NCOA1: variants seen among roughly 807,000 people sequenced by gnomAD.
NCOA1 encodes nuclear receptor coactivator 1.
A neutral mutation model predicts 150.9 loss-of-function variants in NCOA1; 35 were observed. That is an observed-to-expected ratio of 0.23 (90% CI 0.18 to 0.31). NCOA1 has a LOEUF of 0.31. Among genes scored for constraint, NCOA1 ranks in the 10% least tolerant of loss-of-function variants. The pLI, the probability that NCOA1 is intolerant of heterozygous loss-of-function variation, is 1.00. For missense variants in NCOA1, 1,491 were observed against 1,749.3 expected (o/e 0.85, Z 2.63); for synonymous variants, 590 against 630.0 (o/e 0.94, Z 0.95).
intron 3 of NCOA1, among the ~76,000 whole-genome samples, chr2:24,586,526 G>A (rs952547502): frequency 2.6e-5 from 4 of 152,110 alleles, no homozygotes; most frequent in African/African-American, 9.7e-5. Context: ...AGCTGGGACC[G>A]CAGGTGCACA....
intron 3 of NCOA1, among the ~76,000 whole-genome samples, chr2:24,613,429 A>G (rs1174812717): frequency 6.6e-6 from 1 of 152,186 alleles, no homozygotes; most frequent in East Asian, 1.9e-4. Context: ...GGCCACCTAC[A>G]GTCCCCTGAT....
rs1572650552 is a variant in NCOA1, at chr2:24,728,988, AGCACACGC to A, written c.2887-508_2887-501del. 2.0e-5 allele frequency among the ~76,000 whole-genome samples: 3 copies of A among 152,210 alleles called. No individual in the cohort carries two copies. In the East Asian group the frequency reaches 5.8e-4, roughly 29 times the overall value. The stretch of plus-strand genomic sequence containing the variant: ...CTGCATACAAACACACACACACACA[AGCACACGC>A]GCACGCGCGCAATTAGGTCACAATT... On this transcript the variant is annotated intron_variant, in intron 16 of 22. Coordinates refer to ENST00000348332, the MANE Select transcript of NCOA1 (RefSeq NM_003743.5).
intron 3 of NCOA1, among the ~76,000 whole-genome samples, chr2:24,614,707 T>G (rs1457003669): frequency 6.6e-6 from 1 of 152,168 alleles, no homozygotes; most frequent in Admixed American, 6.5e-5. Flanking sequence ...GTGGGTATGT[T>G]TAAAAGCCTC....
chr2:24,708,490 T>A (rs1224669597), intron 13 of NCOA1, among the ~76,000 whole-genome samples: 1 of 152,182 alleles, frequency 6.6e-6, no homozygotes, highest in Admixed American at 6.5e-5. Context: ...TAAGTTGTTA[T>A]GGATTAGAAA....
chr2:24,691,659 A>G lies in NCOA1; in HGVS notation c.711A>G (p.Glu237=). The change falls in exon 9 of 23, where the codon GAA becomes GAG. Residue 237 remains glutamate (E), a splice_region_variant and synonymous_variant. Transcript: ENST00000348332. ...CAAAATCAATTCAAGAGGATGGAGA[A>G]GGTAAAGCCAAACGGTCTTTTTAAA... ...SQPKSIQEDG[E]DFQSCLICIA... 1.2e-6 allele frequency: 2 copies of G among 1,612,498 alleles called. No individual in the cohort carries two copies. The highest frequency in any genetic ancestry group is 1.7e-6 in the Non-Finnish European group (2 of 1,179,012).
intron 3 of NCOA1, among the ~76,000 whole-genome samples, chr2:24,619,599 T>C (rs1381331428): frequency 1.3e-5 from 2 of 152,162 alleles, no homozygotes; most frequent in Non-Finnish European, 2.9e-5. Context: ...AGTTAACCAA[T>C]AAACTGACTG....
At chr2:24,764,812 T>C (rs545774490) in intron 22 of NCOA1, among the ~76,000 whole-genome samples, 102 of 152,272 alleles carry the variant, frequency 6.7e-4, no homozygotes, top group African/African-American at 2.4e-3. Context: ...AAGGAAGATA[T>C]ATTGGCCAGT....
intron 1 of NCOA1, among the ~76,000 whole-genome samples, chr2:24,504,152 T>C (rs979611646): frequency 6.6e-6 from 1 of 152,242 alleles, no homozygotes; most frequent in Non-Finnish European, 1.5e-5. Flanking sequence ...ATAAGTTTGT[T>C]ACCGATGATA....
intron 14 of NCOA1, among the ~76,000 whole-genome samples, chr2:24,725,064 A>G (rs1322463959): frequency 6.6e-6 from 1 of 152,154 alleles, no homozygotes; most frequent in East Asian, 1.9e-4. Context: ...GTTATACTAA[A>G]TATTGAATAT....
intron 1 of NCOA1, among the ~76,000 whole-genome samples, chr2:24,552,752 T>G (rs1249699913): frequency 1.3e-5 from 2 of 152,186 alleles, no homozygotes; most frequent in African/African-American, 2.4e-5. Context: ...GCTACTATTT[T>G]GTGAACTTAT....
chr2:24,737,996 C>G (rs1405201480), intron 17 of NCOA1, among the ~76,000 whole-genome samples: 2 of 152,102 alleles, frequency 1.3e-5, no homozygotes. Flanking sequence ...ACTTTTAAAA[C>G]TATAAAGTTG....
intron 1 of NCOA1, among the ~76,000 whole-genome samples, chr2:24,518,396 G>A (rs1053344632): frequency 2.0e-5 from 3 of 152,012 alleles, no homozygotes; most frequent in South Asian, 2.1e-4. Context: ...ACTTAATGAC[G>A]AAAGACTAAA....
chr2:24,504,951 AC>A (rs1443705387), intron 1 of NCOA1, among the ~76,000 whole-genome samples: 1 of 151,784 alleles, frequency 6.6e-6, no homozygotes, highest in Admixed American at 6.6e-5. Flanking sequence ...ATTAATTAAA[AC>A]CTGTTTTCTC....
At chr2:24,703,244 T>C in intron 11 of NCOA1, among the ~76,000 whole-genome samples, 1 of 152,202 alleles carries the variant, frequency 6.6e-6, no homozygotes, top group Non-Finnish European at 1.5e-5. Context: ...ACTCCTAGGC[T>C]GTTACTCTTT....
In NCOA1 at chr2:24,706,663, A is replaced by G; in HGVS notation, c.1193A>G (p.His398Arg). ...PSVNPSISPA[H>R]GVARSSTLPP... ...GTCAATCCTAGTATCTCTCCAGCTC[A>G]TGGTGTGGCTCGTTCATCCACATTG... Residue 398 changes from histidine to arginine, a missense_variant, in exon 13 of 23, where the codon CAT becomes CGT. This residue lies in a region of NCOA1 where 703 missense variants were observed against 717.7 expected (regional missense o/e 0.98). Coordinates refer to ENST00000348332, the MANE Select transcript of NCOA1 (RefSeq NM_003743.5). 6.2e-7 allele frequency: 1 copy of G among 1,614,100 alleles called. No homozygotes were observed. The highest frequency in any genetic ancestry group is 1.7e-5 in the Admixed American group (1 of 60,018).
At chr2:24,534,742 C>T (rs1364670275) in intron 1 of NCOA1, among the ~76,000 whole-genome samples, 1 of 152,088 alleles carries the variant, frequency 6.6e-6, no homozygotes, top group Non-Finnish European at 1.5e-5. Flanking sequence ...TTTCAGTTTC[C>T]ATGTAGTTGT....
intron 4 of NCOA1, among the ~76,000 whole-genome samples, chr2:24,650,401 A>C (rs1670661200): frequency 6.6e-6 from 1 of 152,214 alleles, no homozygotes; most frequent in East Asian, 1.9e-4. Context: ...GACCTATTAA[A>C]GAAGAAAAAG....
intron 22 of NCOA1, among the ~76,000 whole-genome samples, chr2:24,764,076 G>A (rs1291697416): frequency 6.6e-6 from 1 of 152,298 alleles, no homozygotes; most frequent in African/African-American, 2.4e-5. Context: ...GGTTTGCCAG[G>A]CACTGTGCTA....
In NCOA1 at chr2:24,768,516, CAAAAAAAAAAAA is replaced by C. The variant is rs772970404; in HGVS notation, c.*139_*150del. 9.4e-4 allele frequency: 52 copies of C among 55,198 alleles called. 1 individual carries two copies. The highest frequency in any genetic ancestry group is 2.5e-3 in the Admixed American group (10 of 4,034). 3.4% of individuals were successfully genotyped at this position (55,198 alleles called of 1,614,324 possible). A position where few individuals can be genotyped will look rare whatever the true frequency, so the allele number is the denominator to read the frequency against. On this transcript the variant is annotated 3_prime_UTR_variant, in exon 23 of 23. Transcript: ENST00000348332. ...ATTCTTCAGGTCGTAGCATTTGGAG[CAAAAAAAAAAAA>C]AAAAAAAAAAAAAGGAGTTTGCTTT...
Sources: allele counts gnomAD v4.1 joint callset (sites outside exome capture counted in the v4.1 genomes callset), GRCh38; gene constraint gnomAD v4.1.1; regional missense constraint gnomAD v4.1.1; transcripts MANE v1.5; gene names NCBI Gene and HGNC (gene_info 2026-07-23, HGNC 2026-07-21).